L3MBTL3: variants seen among roughly 807,000 people sequenced by gnomAD.
L3MBTL3 encodes the protein lethal(3)malignant brain tumor-like protein 3.
Under a neutral mutation model 102.3 loss-of-function variants are expected in L3MBTL3, and 27 were observed. The observed-to-expected ratio is 0.26, with a 90% confidence interval of 0.19 to 0.36. L3MBTL3 has a LOEUF of 0.36. Among genes scored for constraint, L3MBTL3 ranks in the 10% least tolerant of loss-of-function variants. L3MBTL3 has a pLI of 1.00. For synonymous variants in L3MBTL3, 340 were observed against 320.9 expected, an observed-to-expected ratio of 1.06 and a Z score of -0.64; for missense variants, 798 against 955.3, an observed-to-expected ratio of 0.84 and a Z score of 2.17.
intron 10 of L3MBTL3, among the ~76,000 whole-genome samples, chr6:130,062,143 C>T (rs186410437): frequency 1.3e-5 from 2 of 152,212 alleles, no homozygotes; most frequent in East Asian, 3.9e-4. Context: ...ATTTTACCTT[C>T]CCTATTTTTT....
chr6:130,059,948 A>T, intron 9 of L3MBTL3, 88 bp from the exon 10 acceptor site: 1 of 656,338 alleles, frequency 1.5e-6, no homozygotes, highest in Non-Finnish European at 2.6e-6. Context: ...TTGGTTAAAT[A>T]GTCTTTATTT....
chr6:130,089,066 T>C (rs1346544324), intron 16 of L3MBTL3, among the ~76,000 whole-genome samples: 1 of 151,150 alleles, frequency 6.6e-6, no homozygotes, highest in Non-Finnish European at 1.5e-5. Flanking sequence ...CTCTATCTTT[T>C]TATTATTATT....
At chr6:130,045,939 T>C (rs996521003) in intron 3 of L3MBTL3, among the ~76,000 whole-genome samples, 1 of 152,220 alleles carries the variant, frequency 6.6e-6, no homozygotes, top group African/African-American at 2.4e-5. Flanking sequence ...CTAAGCAAGC[T>C]TTGGAAACTT....
chr6:130,073,403 G>A (rs1320175273), intron 13 of L3MBTL3, among the ~76,000 whole-genome samples: 2 of 152,154 alleles, frequency 1.3e-5, no homozygotes, highest in South Asian at 2.1e-4. Context: ...CTACTAGGGC[G>A]ATAACTGGGC....
rs1485355825 is a variant in L3MBTL3 at position 130,042,757 on chromosome 6, G to A, written c.58G>A (p.Asp20Asn). The A allele has an allele frequency of 6.2e-7, 1 of 1,613,720 alleles. No homozygotes were observed. The highest frequency in any genetic ancestry group is 1.7e-5 in the Admixed American group (1 of 60,008). Residue 20 changes from aspartate (D) to asparagine (N), a missense_variant, in exon 3 of 23, where the codon GAC (aspartate) becomes AAC (asparagine). Physicochemically the swap from Asp to Asn is conservative, Grantham distance 23. Transcript: ENST00000361794. ...GQEFDVFSVMDWKDGVGTLPG... is the reference protein window; with the variant it reads ...GQEFDVFSVMNWKDGVGTLPG... ...AGAGTTTGATGTGTTCAGTGTTATG[G>A]ACTGGAAAGATGGAGTGGGCACGTT...
chr6:130,135,221 C>T lies in L3MBTL3; in HGVS notation c.2199+1316C>T, dbSNP rs139462178. On this transcript the variant is annotated intron_variant, in intron 22 of 22. Coordinates refer to ENST00000361794, the MANE Select transcript of L3MBTL3 (RefSeq NM_032438.4). ...GATTACAGGTGCCCGCCACCACGCT[C>T]GGCTAATTTTTTTTGTATTTTTAGT... Among the ~76,000 whole-genome samples the T allele has an allele frequency of 9.3e-4, 142 of 151,948 alleles. 2 individuals are homozygous for T. In the East Asian group the frequency reaches 0.024, roughly 25 times the overall value.
At chr6:130,027,794 T>C (rs1409576061) in intron 2 of L3MBTL3, among the ~76,000 whole-genome samples, 1 of 152,202 alleles carries the variant, frequency 6.6e-6, no homozygotes, top group Non-Finnish European at 1.5e-5. Context: ...CTTTTAAAAT[T>C]TTAGTTCATG....
intron 20 of L3MBTL3, among the ~76,000 whole-genome samples, chr6:130,123,565 T>TAA (rs1786387307): frequency 6.6e-6 from 1 of 152,200 alleles, no homozygotes; most frequent in African/African-American, 2.4e-5. Context: ...TAATTTTTCT[T>TAA]CTTTTTCATG....
chr6:130,091,672 C>A (rs1784058520), intron 16 of L3MBTL3, among the ~76,000 whole-genome samples: 1 of 151,820 alleles, frequency 6.6e-6, no homozygotes, highest in African/African-American at 2.4e-5. Flanking sequence ...TATTATTCAG[C>A]CATAAAAAAA....
intron 2 of L3MBTL3, among the ~76,000 whole-genome samples, chr6:130,031,731 C>A (rs1779735552): frequency 1.3e-5 from 2 of 152,096 alleles, no homozygotes; most frequent in South Asian, 2.1e-4. Flanking sequence ...AGTACCTTCC[C>A]CATGTGACTA....
chr6:130,095,909 G>A (rs1056268025), intron 18 of L3MBTL3, among the ~76,000 whole-genome samples: 4 of 152,154 alleles, frequency 2.6e-5, no homozygotes, highest in African/African-American at 9.7e-5. Flanking sequence ...TTGTCACAGT[G>A]GCAATCAGAT....
chr6:130,102,687 A>G (rs891228826), intron 18 of L3MBTL3, among the ~76,000 whole-genome samples: 3 of 152,144 alleles, frequency 2.0e-5, no homozygotes, highest in East Asian at 1.9e-4. Context: ...TCCTGTTGGC[A>G]CTGCTCCTCC....
intron 19 of L3MBTL3, among the ~76,000 whole-genome samples, chr6:130,116,752 TAAAA>T (rs1004191425): frequency 6.8e-6 from 1 of 146,234 alleles, no homozygotes; most frequent in Non-Finnish European, 1.5e-5. Flanking sequence ...ATCTATCTCT[TAAAA>T]AAAAAAAATC....
At chr6:130,037,232 A>C (rs1229985261) in intron 2 of L3MBTL3, among the ~76,000 whole-genome samples, 1 of 152,208 alleles carries the variant, frequency 6.6e-6, no homozygotes, top group African/African-American at 2.4e-5. Context: ...CAGGATAGTC[A>C]CAGCTGACAA....
intron 2 of L3MBTL3, among the ~76,000 whole-genome samples, chr6:130,023,569 A>G (rs141326688): frequency 2.9e-3 from 443 of 152,328 alleles, no homozygotes; most frequent in African/African-American, 0.01. Flanking sequence ...ATAACTAGAT[A>G]TATCACCTTG....
intron 14 of L3MBTL3, among the ~76,000 whole-genome samples, chr6:130,080,761 A>G (rs936733629): frequency 6.6e-6 from 1 of 152,238 alleles, no homozygotes; most frequent in Admixed American, 6.5e-5. Flanking sequence ...TGCCATTACA[A>G]TAGTAAAAAT....
Position 130,021,471 on chromosome 6 carries a change from G to T in L3MBTL3, c.-94-756G>T, listed in dbSNP as rs563012273. On this transcript the variant is annotated intron_variant, in intron 1 of 22. Transcript: ENST00000361794. ...GAAAGACACTTTGCTTTTATTCAGA[G>T]ATTTGAGATTGATCGCTCCCTGAAT... is the stretch of plus-strand genomic sequence containing the variant. Among the ~76,000 whole-genome samples the T allele has an allele frequency of 1.1e-4, 17 of 152,336 alleles. No individual in the cohort carries two copies. The South Asian group carries it at 2.9e-3, about 26-fold the overall frequency.
At chr6:130,121,009 ACAAT>A (rs777296751) in intron 20 of L3MBTL3, 51 bp downstream of exon 20, 4 of 1,127,558 alleles carry the variant, frequency 3.5e-6, no homozygotes, top group Middle Eastern at 4.3e-4. Flanking sequence ...CTAATATGAA[ACAAT>A]CAAAGCCTTA....
intron 20 of L3MBTL3, among the ~76,000 whole-genome samples, chr6:130,129,063 AGGGATATT>A (rs1786829750): frequency 6.6e-6 from 1 of 152,172 alleles, no homozygotes; most frequent in Non-Finnish European, 1.5e-5. Flanking sequence ...GTGTAGGGCC[AGGGATATT>A]GGTGGTGCTG....
Sources: allele counts gnomAD v4.1 joint callset (sites outside exome capture counted in the v4.1 genomes callset), GRCh38; gene constraint gnomAD v4.1.1; transcripts MANE v1.5; gene names NCBI Gene and HGNC (gene_info 2026-07-23, HGNC 2026-07-21).